Variants in WDR75 observed in about 807,000 individuals in gnomAD.
WDR75 encodes the protein WD repeat domain 75.
Under a neutral mutation model 106.1 loss-of-function variants are expected in WDR75, and 52 were observed. The ratio of observed to expected loss-of-function variants is 0.49; its 90% CI spans 0.39 to 0.62. The LOEUF is 0.62. WDR75 is among the 20% of genes least tolerant of loss of function. WDR75 has a pLI of 0.00. For synonymous variants in WDR75, 333 were observed against 335.5 expected, an observed-to-expected ratio of 0.99 and a Z score of 0.08; for missense variants, 905 against 970.3, an observed-to-expected ratio of 0.93 and a Z score of 0.89.
Position 189,464,744 on chromosome 2 carries a change from T to C in WDR75, c.1114-335T>C, listed in dbSNP as rs567747436. ...GACAGAGAATCTAGCCTTGAGATGA[T>C]GTAAAGCTGTTTGTTCTTAGAAACA... On this transcript the variant is annotated intron_variant, in intron 11 of 20. Coordinates refer to ENST00000314761, the MANE Select transcript of WDR75 (RefSeq NM_032168.3). Among the ~76,000 whole-genome samples the C allele has an allele frequency of 5.3e-5, 8 of 152,140 alleles. No homozygotes were observed. The South Asian group carries it at 1.7e-3, about 31-fold the overall frequency.
At chr2:189,469,211 C>T in intron 15 of WDR75, 133 bp from the exon 16 acceptor site, 1 of 720,064 alleles carries the variant, frequency 1.4e-6, no homozygotes, top group East Asian at 2.7e-5. Context: ...CAGCATTCTA[C>T]AAATCATTTC....
At position 189,451,864 on chromosome 2, in the gene WDR75, T is replaced by G; in HGVS notation, c.342T>G (p.Ser114=). The part of the protein sequence containing the change: ...ALFTLAQAED[S]VFVIVNKEKP... ...TTACTCTTGCCCAAGCTGAGGATTC[T>G]GTCTTTGTTATAGTGAATAAAGAAA... Residue 114 remains serine, a synonymous_variant, in exon 4 of 21, where the codon TCT becomes TCG. Coordinates refer to ENST00000314761, the MANE Select transcript of WDR75 (RefSeq NM_032168.3). 1 of 1,613,742 alleles carries G rather than the reference T, an allele frequency of 6.2e-7. No homozygotes were observed. Among genetic ancestry groups the G allele is most frequent in the Non-Finnish European group, 8.5e-7 (1 of 1,179,858 alleles).
chr2:189,443,114 G>A (rs1686421958), intron 1 of WDR75, among the ~76,000 whole-genome samples: 2 of 152,126 alleles, frequency 1.3e-5, no homozygotes, highest in Non-Finnish European at 2.9e-5. Context: ...TCCTGCCTTC[G>A]AGGAGCTTAC....
intron 1 of WDR75, among the ~76,000 whole-genome samples, chr2:189,443,196 G>A (rs551735352): frequency 7.2e-5 from 11 of 152,326 alleles, no homozygotes; most frequent in South Asian, 2.1e-4. Flanking sequence ...GAGCTCATAA[G>A]AAGAGATTAC....
At chr2:189,464,969 C>A in intron 11 of WDR75, 110 bp from the exon 12 acceptor site, 1 of 761,030 alleles carries the variant, frequency 1.3e-6, no homozygotes, top group Non-Finnish European at 2.0e-6. Context: ...TATTACTATA[C>A]AGTACAGAAG....
In WDR75 at chr2:189,470,077, GT is replaced by G; in HGVS notation, c.1824del (p.Phe608LeufsTer44). On this transcript the variant is annotated frameshift_variant and splice_region_variant, in exon 17 of 21. Transcript: ENST00000314761. LOFTEE classifies it high-confidence loss of function. ...TGTTTCTTTGTTTTTTCCCTCTAGT[GT>G]TTGTATTTAAACCTAGTGAGCCAAG... Reference protein sequence around the residue: ...ISQSSVGSDLFVFKPSEPRPL... With the variant: ...ISQSSVGSDLXVFKPSEPRPL... The G allele has an allele frequency of 6.2e-7, 1 of 1,608,832 alleles. No homozygotes were observed. The highest frequency in any genetic ancestry group is 8.5e-7 in the Non-Finnish European group (1 of 1,177,980).
intron 13 of WDR75, among the ~76,000 whole-genome samples, chr2:189,466,829 G>A (rs575552854): frequency 6.6e-6 from 1 of 152,074 alleles, no homozygotes; most frequent in South Asian, 2.1e-4. Context: ...AAAGTAAAAG[G>A]GGCTTTTACC....
intron 8 of WDR75, among the ~76,000 whole-genome samples, chr2:189,460,177 T>A (rs1349894393): frequency 6.6e-6 from 1 of 152,216 alleles, no homozygotes; most frequent in African/African-American, 2.4e-5. Context: ...AGAAAGTTAC[T>A]ACATACTAGA....
chr2:189,472,181 C>T (rs1687131214), intron 18 of WDR75, among the ~76,000 whole-genome samples: 1 of 152,072 alleles, frequency 6.6e-6, no homozygotes, highest in Non-Finnish European at 1.5e-5. Flanking sequence ...AAGATAGAGA[C>T]AGTAAACAAC....
chr2:189,458,906 T>C, intron 7 of WDR75, 34 bp downstream of exon 7: 1 of 1,580,124 alleles, frequency 6.3e-7, no homozygotes, highest in Non-Finnish European at 8.6e-7. Context: ...GGCGATCATT[T>C]ATGTACTATT....
rs577419240 is a variant in WDR75, at chr2:189,470,283, A to G, written c.1989+38A>G. On this transcript the variant is annotated intron_variant, in intron 17 of 20. Transcript: ENST00000314761. ...CTCAAAAAAGGCGATCACTTTGTAC[A>G]TGGAATTTTAGACTAATAGCCCATG... 48 of 1,585,468 alleles carry G rather than the reference A, an allele frequency of 3.0e-5. No homozygotes were observed. The Admixed American group carries it at 8.0e-4, about 26-fold the overall frequency.
rs759378552 is a variant in WDR75, at chr2:189,441,474, A to T, written c.-19A>T. 8 of 1,555,014 alleles carry T rather than the reference A, an allele frequency of 5.1e-6. No homozygotes were observed. Among genetic ancestry groups the T allele is most frequent in the African/African-American group, 1.4e-5 (1 of 73,312 alleles). Reference sequence around the variant, plus strand: ...TTCAGGGCGGGACCAGAGATTGGCCATTCCGCTACTGCGCAAAGATGGTGG... The same window carrying T: ...TTCAGGGCGGGACCAGAGATTGGCCTTTCCGCTACTGCGCAAAGATGGTGG... On this transcript the variant is annotated 5_prime_UTR_variant, in exon 1 of 21. Transcript: ENST00000314761.
chr2:189,446,808 C>T (rs1686508527), intron 1 of WDR75, among the ~76,000 whole-genome samples: 2 of 152,170 alleles, frequency 1.3e-5, no homozygotes, highest in African/African-American at 4.8e-5. Flanking sequence ...CAGAGATTAA[C>T]ATCAATAACT....
Position 189,467,573 on chromosome 2 carries a change from A to G in WDR75, c.1553A>G (p.Glu518Gly). The change falls in exon 14 of 21, where the codon GAG (glutamate) becomes GGG (glycine). Residue 518 changes from glutamate (E) to glycine (G), a missense_variant. Coordinates refer to ENST00000314761, the MANE Select transcript of WDR75 (RefSeq NM_032168.3). ...EDGSLLAVSF[E>G]EIVTIWDSVT... ...GGTTCTTTACTAGCAGTTAGTTTTG[A>G]GGAAATAGTCACAATATGGGATTCT... The G allele has an allele frequency of 6.2e-7, 1 of 1,611,680 alleles. No homozygotes were observed. Among genetic ancestry groups the G allele is most frequent in the Non-Finnish European group, 8.5e-7 (1 of 1,178,728 alleles).
intron 17 of WDR75, 145 bp downstream of exon 17, chr2:189,470,390 C>A: frequency 2.4e-6 from 2 of 817,026 alleles, no homozygotes; most frequent in Non-Finnish European, 3.8e-6. Flanking sequence ...ATGCTCAGTA[C>A]AGCAGCATTA....
chr2:189,463,943 T>C lies in WDR75; in HGVS notation c.1095T>C (p.Ser365=). ...ACCTGCAGTTTTATTCTCTCCAGAGTGATAAACAGTTATACAATGTAAGAT... is the reference window on the plus strand; with the variant it reads ...ACCTGCAGTTTTATTCTCTCCAGAGCGATAAACAGTTATACAATGTAAGAT... ...PGHLQFYSLQ[S]DKQLYNLDII... Residue 365 remains serine (S), a synonymous_variant, in exon 11 of 21, where the codon AGT becomes AGC. Coordinates refer to ENST00000314761, the MANE Select transcript of WDR75 (RefSeq NM_032168.3). 6.2e-7 allele frequency: 1 copy of C among 1,613,464 alleles called. No homozygotes were observed. Among genetic ancestry groups the C allele is most frequent in the Non-Finnish European group, 8.5e-7 (1 of 1,179,604 alleles).
At chr2:189,443,505 G>A (rs1686430942) in intron 1 of WDR75, among the ~76,000 whole-genome samples, 1 of 152,186 alleles carries the variant, frequency 6.6e-6, no homozygotes, top group African/African-American at 2.4e-5. Flanking sequence ...GCGGTAATCA[G>A]TTGTAATTTG....
intron 11 of WDR75, 176 bp downstream of exon 11, chr2:189,464,137 A>G: frequency 1.6e-6 from 1 of 609,624 alleles, no homozygotes. Context: ...TTGAGGCCAC[A>G]GTTGCAGGTT....
Position 189,465,638 on chromosome 2 carries a change from A to G in WDR75, c.1289+384A>G, listed in dbSNP as rs1049389827. Among the ~76,000 whole-genome samples the G allele has an allele frequency of 3.3e-5, 5 of 152,272 alleles. No individual in the cohort carries two copies. The South Asian group carries it at 1.0e-3, about 32-fold the overall frequency. On this transcript the variant is annotated intron_variant, in intron 12 of 20. Transcript: ENST00000314761. Reference sequence around the variant, plus strand: ...AATGTAGCATGGATGTTGTGATTAGATAAGGAATCCACTCTCGTACTGTGG... The same window carrying G: ...AATGTAGCATGGATGTTGTGATTAGGTAAGGAATCCACTCTCGTACTGTGG...
Sources: gnomAD v4.1 joint callset for allele counts (sites outside exome capture counted in the v4.1 genomes callset) on GRCh38, gnomAD v4.1.1 for gene constraint, MANE v1.5 for transcripts, NCBI Gene and HGNC (gene_info 2026-07-23, HGNC 2026-07-21) for gene names.